The following KIAA1191 variants were observed in gnomAD, a reference collection of about 807,000 sequenced individuals.
The protein encoded by KIAA1191 is putative monooxygenase p33MONOX.
Under a neutral mutation model 31.1 loss-of-function variants are expected in KIAA1191, and 22 were observed. The ratio of observed to expected loss-of-function variants is 0.71; its 90% confidence interval spans 0.51 to 1.01. The LOEUF is 1.01. Ranked by LOEUF, KIAA1191 falls within the 50% of genes least tolerant of loss-of-function variation. The pLI, the probability that KIAA1191 is intolerant of heterozygous loss-of-function variation, is 0.00. For missense variants in KIAA1191, 319 were observed against 388.0 expected (o/e 0.82, Z 1.49); for synonymous variants, 130 against 143.9 (o/e 0.90, Z 0.69).
chr5:176,355,909 A>C lies in KIAA1191; in HGVS notation c.29-160T>G. The C allele has an allele frequency of 1.4e-6, 1 of 703,258 alleles. No homozygotes were observed. The allele number at this position is 703,258 out of a possible 1,614,324, so 43.6% of individuals were successfully genotyped here. ...AATCCCATCCAGGAAAGGCAGTGGT[A>C]CCAATCCCTTCCTCTATGCCTGACA... On this transcript the variant is annotated intron_variant, in intron 3 of 8. Transcript: ENST00000298569. The surrounding 1 kb of genome is among the most constrained non-coding windows in gnomAD (Gnocchi z 4.2).
At position 176,355,892 on chromosome 5, in the gene KIAA1191, C is replaced by A; in HGVS notation, c.29-143G>T. 1 of 783,576 alleles carries A rather than the reference C, an allele frequency of 1.3e-6. No individual in the cohort carries two copies. The allele number at this position is 783,576 out of a possible 1,614,324, so 48.5% of individuals were successfully genotyped here. On this transcript the variant is annotated intron_variant, in intron 3 of 8. Transcript: ENST00000298569. This position sits in a 1 kb window ranked among gnomAD's most constrained non-coding sequence, Gnocchi z 4.2. ...CTTGTTTTGGAGTAGCTAATCCCATCCAGGAAAGGCAGTGGTACCAATCCC... is the reference window on the plus strand; with the variant it reads ...CTTGTTTTGGAGTAGCTAATCCCATACAGGAAAGGCAGTGGTACCAATCCC...
chr5:176,349,922 T>C (rs1302159975), intron 6 of KIAA1191, among the ~76,000 whole-genome samples: 1 of 152,158 alleles, frequency 6.6e-6, no homozygotes, highest in Admixed American at 6.5e-5. Flanking sequence ...CTGACTTCCA[T>C]ATGAGCCCCT....
intron 4 of KIAA1191, chr5:176,354,197 C>A (rs1767295709): frequency 6.6e-6 from 1 of 152,318 alleles, no homozygotes; most frequent in Admixed American, 6.5e-5. Context: ...CCCACAACAC[C>A]TCTATGACAT....
intron 6 of KIAA1191, chr5:176,348,886 A>G (rs1766750394): frequency 6.4e-6 from 1 of 155,264 alleles, no homozygotes; most frequent in African/African-American, 2.4e-5. Flanking sequence ...TTCCCTCAGC[A>G]CCGTGAGCAT....
chr5:176,354,497 A>C (rs971399120), intron 4 of KIAA1191: 1 of 152,238 alleles, frequency 6.6e-6, no homozygotes. Context: ...AGAGTCCCTG[A>C]GGTCGGGAAG....
At chr5:176,349,225 A>G (rs1049650283) in intron 6 of KIAA1191, among the ~76,000 whole-genome samples, 1 of 152,174 alleles carries the variant, frequency 6.6e-6, no homozygotes, top group Non-Finnish European at 1.5e-5. Flanking sequence ...TCACTGACCT[A>G]TCCTGGAAAG....
chr5:176,347,808 C>A lies in KIAA1191; in HGVS notation c.710G>T (p.Gly237Val), dbSNP rs569550871. The change falls in exon 9 of 9, where the codon GGA (glycine) becomes GTA (valine). Residue 237 changes from glycine to valine, a missense_variant and splice_region_variant. Transcript: ENST00000298569. ...TCGGTAGGCCTGGGTGGCAAAACTT[C>A]CTACAAAAGTGAACCAGAGTGCAAA... ...GPRSLQKYDS[G>V]SFATQAYRGA... 1.3e-6 allele frequency: 2 copies of A among 1,599,890 alleles called. No individual in the cohort carries two copies. Among genetic ancestry groups the A allele is most frequent in the Non-Finnish European group, 1.7e-6 (2 of 1,172,902 alleles).
chr5:176,349,967 G>A (rs1183070513), intron 6 of KIAA1191, among the ~76,000 whole-genome samples: 1 of 152,168 alleles, frequency 6.6e-6, no homozygotes, highest in Non-Finnish European at 1.5e-5. Flanking sequence ...TTTGGAATGA[G>A]GAGGAAGAAG....
chr5:176,355,734 G>C lies in KIAA1191; in HGVS notation c.44C>G (p.Ala15Gly), dbSNP rs144051049. The change falls in exon 4 of 9, where the codon GCG becomes GGG. Residue 15 changes from alanine (A) to glycine (G), a missense_variant. Transcript: ENST00000298569. The surrounding 1 kb of genome is among the most constrained non-coding windows in gnomAD (Gnocchi z 4.2). ...QPEVPALEAS[A>G]PLGKMSLPIG... ...GGGCAGGGACATCTTGCCTAGAGGC[G>C]CACTAGCCTCAAGAGCTAAGAACAG... The C allele has an allele frequency of 6.2e-7, 1 of 1,613,944 alleles. No individual in the cohort carries two copies. Among genetic ancestry groups the C allele is most frequent in the Admixed American group, 1.7e-5 (1 of 60,028 alleles).
chr5:176,350,835 G>GACCA, intron 5 of KIAA1191, 98 bp from the exon 6 acceptor site: 1 of 1,381,598 alleles, frequency 7.2e-7, no homozygotes, highest in Non-Finnish European at 9.8e-7. Context: ...AGAAGCAAGA[G>GACCA]ACCACACTGA....
In KIAA1191 at chr5:176,355,658, A is replaced by C; in HGVS notation, c.120T>G (p.Pro40=). Residue 40 remains proline (P), a synonymous_variant, in exon 4 of 9, where the codon CCT becomes CCG. Transcript: ENST00000298569. The surrounding 1 kb of genome is among the most constrained non-coding windows in gnomAD (Gnocchi z 4.2). ...AVSYDDTLED[P]APMTPPPSDM... ...CCGATGGAGGAGGAGTCATGGGCGC[A>C]GGGTCCTCGAGGGTATCATCATAGC... is the stretch of plus-strand genomic sequence containing the variant. 1 of 1,613,228 alleles carries C rather than the reference A, an allele frequency of 6.2e-7. No homozygotes were observed. Among genetic ancestry groups the C allele is most frequent in the Admixed American group, 1.7e-5 (1 of 60,028 alleles).
chr5:176,357,960 GT>G (rs1448288976), intron 3 of KIAA1191, among the ~76,000 whole-genome samples: 1 of 152,106 alleles, frequency 6.6e-6, no homozygotes, highest in African/African-American at 2.4e-5. Context: ...TTTAACTCCT[GT>G]TTTTACATAT....
chr5:176,348,848 C>G (rs1266905725), intron 6 of KIAA1191: 1 of 157,930 alleles, frequency 6.3e-6, no homozygotes, highest in Admixed American at 6.0e-5. Flanking sequence ...TTCTCTCCTC[C>G]TTCTCTCCCA....
At chr5:176,352,210 A>G (rs1487147853) in intron 5 of KIAA1191, among the ~76,000 whole-genome samples, 3 of 151,292 alleles carry the variant, frequency 2.0e-5, no homozygotes, top group Admixed American at 6.6e-5. Context: ...AAATGCCCGG[A>G]TGTTTCCCCT....
At chr5:176,353,830 T>C (rs1216689327) in intron 4 of KIAA1191, among the ~76,000 whole-genome samples, 4 of 152,188 alleles carry the variant, frequency 2.6e-5, no homozygotes, top group African/African-American at 9.6e-5. Context: ...GAAGCCCTGC[T>C]CACCTCCTGC....
At chr5:176,360,100 CTT>C (rs1329604271) in intron 1 of KIAA1191, among the ~76,000 whole-genome samples, 182 bp from the exon 2 acceptor site, 1 of 150,964 alleles carries the variant, frequency 6.6e-6, no homozygotes, top group Non-Finnish European at 1.5e-5. Flanking sequence ...TTTATCTTGT[CTT>C]TTAATCCTTG....
At chr5:176,360,365 C>G (rs1257306088) in intron 1 of KIAA1191, among the ~76,000 whole-genome samples, 1 of 151,712 alleles carries the variant, frequency 6.6e-6, no homozygotes, top group Admixed American at 6.6e-5. Context: ...ACCGCACTAG[C>G]CAGGATGGTC....
At chr5:176,354,038 A>C (rs931921725) in intron 4 of KIAA1191, among the ~76,000 whole-genome samples, 3 of 152,218 alleles carry the variant, frequency 2.0e-5, no homozygotes, top group Non-Finnish European at 4.4e-5. Context: ...CTGCCCTGAA[A>C]GTCTGTTGGA....
chr5:176,352,775 GCAC>G, intron 4 of KIAA1191, 27 bp from the exon 5 acceptor site: 1 of 1,600,174 alleles, frequency 6.2e-7, no homozygotes. Context: ...CAGTACAGAA[GCAC>G]TTAGGCAGGG....
Sources: gnomAD v4.1 joint callset for allele counts (sites outside exome capture counted in the v4.1 genomes callset) on GRCh38, gnomAD v4.1.1 for gene constraint, Gnocchi (gnomAD v3.1) non-coding constraint, MANE v1.5 for transcripts, NCBI Gene and HGNC (gene_info 2026-07-23, HGNC 2026-07-21) for gene names.